The following PSD3 variants were observed in gnomAD, a reference collection of about 807,000 sequenced individuals.
PSD3 encodes pleckstrin and Sec7 domain containing 3.
A neutral mutation model predicts 105.5 loss-of-function variants in PSD3; 49 were observed. The observed-to-expected ratio is 0.46, with a 90% CI of 0.37 to 0.59. PSD3 has a LOEUF of 0.59. Ranked by LOEUF, PSD3 falls within the 20% of genes least tolerant of loss-of-function variation. The pLI, the probability that PSD3 is intolerant of heterozygous loss-of-function variation, is 0.00. For synonymous variants in PSD3, 557 were observed against 457.8 expected (o/e 1.22, Z -2.77); for missense variants, 1,561 against 1,263.8 (o/e 1.24, Z -3.57).
intron 1 of PSD3, among the ~76,000 whole-genome samples, chr8:18,981,729 T>A (rs1329959000): frequency 6.6e-6 from 1 of 152,168 alleles, no homozygotes; most frequent in Non-Finnish European, 1.5e-5. Flanking sequence ...TGGAAGAGCA[T>A]TCTGTCTAAA....
chr8:18,602,032 A>G (rs1804475709), intron 11 of PSD3, among the ~76,000 whole-genome samples: 1 of 152,196 alleles, frequency 6.6e-6, no homozygotes, highest in Non-Finnish European at 1.5e-5. Flanking sequence ...TCATTTTAAA[A>G]TGTGGGTAAT....
intron 9 of PSD3, among the ~76,000 whole-genome samples, chr8:18,719,662 A>C (rs1802825795): frequency 6.6e-6 from 1 of 152,196 alleles, no homozygotes; most frequent in Admixed American, 6.5e-5. Flanking sequence ...CAAGGAACCC[A>C]CTATTTCCCG....
intron 10 of PSD3, among the ~76,000 whole-genome samples, chr8:18,636,766 G>T (rs1807283602): frequency 6.6e-6 from 1 of 152,104 alleles, no homozygotes; most frequent in Admixed American, 6.5e-5. Flanking sequence ...ATAGTATTTG[G>T]CACAGTAACG....
intron 1 of PSD3, among the ~76,000 whole-genome samples, chr8:19,077,906 A>T (rs1023689948): frequency 4.6e-5 from 7 of 152,308 alleles, no homozygotes; most frequent in Non-Finnish European, 1.0e-4. Flanking sequence ...GTCCCAGAGA[A>T]CTAATGTAAA....
At chr8:18,998,426 G>A (rs1240197195) in intron 1 of PSD3, among the ~76,000 whole-genome samples, 4 of 151,924 alleles carry the variant, frequency 2.6e-5, no homozygotes, top group Non-Finnish European at 4.4e-5. Context: ...GGTGGCTCAC[G>A]CCTGTAATCC....
chr8:18,832,417 A>C (rs547290813), intron 4 of PSD3, among the ~76,000 whole-genome samples: 1 of 152,218 alleles, frequency 6.6e-6, no homozygotes, highest in East Asian at 1.9e-4. Flanking sequence ...GATAAAACTC[A>C]AACGTTTTGG....
chr8:18,659,251 A>G (rs1324786581), intron 9 of PSD3, among the ~76,000 whole-genome samples: 1 of 152,210 alleles, frequency 6.6e-6, no homozygotes, highest in Non-Finnish European at 1.5e-5. Context: ...AGAACAAATT[A>G]ATGCCATTGA....
intron 1 of PSD3, among the ~76,000 whole-genome samples, chr8:19,073,530 G>A (rs1010930871): frequency 5.9e-5 from 7 of 119,316 alleles, no homozygotes; most frequent in Admixed American, 2.2e-4. Flanking sequence ...CAGCCTGGGC[G>A]ACAGAGTGAA....
At chr8:18,563,943 G>C (rs907860884) in intron 14 of PSD3, among the ~76,000 whole-genome samples, 16 of 152,066 alleles carry the variant, frequency 1.1e-4, no homozygotes, top group South Asian at 6.2e-4. Flanking sequence ...GGTGTGTGTA[G>C]CCCAGGCAAG....
chr8:18,627,510 A>C (rs2130744787), intron 11 of PSD3, among the ~76,000 whole-genome samples: 1 of 152,214 alleles, frequency 6.6e-6, no homozygotes, highest in African/African-American at 2.4e-5. Context: ...TGTTTTCATC[A>C]GCTAGAGTGG....
rs114304122 is a variant in PSD3 at position 18,577,849 on chromosome 8, G to T, written c.2482-2564C>A. On this transcript the variant is annotated intron_variant, in intron 12 of 15. Transcript: ENST00000327040. Reference sequence around the variant, plus strand: ...CCCTCATAGATTTAACTGCATCTATGTTTCCTCGCTCACCTGCTTCTTTCT... The same window carrying T: ...CCCTCATAGATTTAACTGCATCTATTTTTCCTCGCTCACCTGCTTCTTTCT... Among the ~76,000 whole-genome samples the T allele has an allele frequency of 2.4e-3, 362 of 152,120 alleles. 2 individuals carry two copies. The highest frequency in any genetic ancestry group is 8.3e-3 in the African/African-American group (345 of 41,540).
chr8:18,838,277 T>C lies in PSD3; in HGVS notation c.1634+29397A>G, dbSNP rs1365561033. On this transcript the variant is annotated intron_variant, in intron 4 of 15. Coordinates refer to ENST00000327040, the MANE Select transcript of PSD3 (RefSeq NM_015310.4). ...CTTTATGTGATCAAGAAACATTAAG[T>C]ACGAAAAATTACCTAAAGGTCAGCA... is the stretch of plus-strand genomic sequence containing the variant. 1.7e-4 allele frequency among the ~76,000 whole-genome samples: 26 copies of C among 152,242 alleles called. No individual in the cohort carries two copies. The East Asian group carries it at 4.8e-3, about 28-fold the overall frequency.
chr8:18,646,724 T>G (rs1052762592), intron 10 of PSD3, among the ~76,000 whole-genome samples: 1 of 152,140 alleles, frequency 6.6e-6, no homozygotes, highest in East Asian at 1.9e-4. Flanking sequence ...CTTATGAGAT[T>G]ACCAACTCTC....
chr8:18,636,399 G>C (rs1009539659), intron 10 of PSD3, among the ~76,000 whole-genome samples: 2 of 152,090 alleles, frequency 1.3e-5, no homozygotes, highest in African/African-American at 4.8e-5. Context: ...TTACCAAAAA[G>C]TTAAAAAGCT....
intron 1 of PSD3, among the ~76,000 whole-genome samples, chr8:18,937,573 C>T (rs894028020): frequency 1.3e-5 from 2 of 152,172 alleles, no homozygotes; most frequent in Non-Finnish European, 2.9e-5. Context: ...CTAGCGTGCA[C>T]AACATTCAGA....
At chr8:18,611,712 A>C (rs1805279254) in intron 11 of PSD3, among the ~76,000 whole-genome samples, 1 of 152,204 alleles carries the variant, frequency 6.6e-6, no homozygotes, top group African/African-American at 2.4e-5. Flanking sequence ...AAGCAATTTA[A>C]ATCTAAGTTG....
intron 1 of PSD3, among the ~76,000 whole-genome samples, chr8:19,063,731 C>T (rs1260389449): frequency 2.0e-5 from 3 of 152,178 alleles, no homozygotes; most frequent in Admixed American, 1.3e-4. Flanking sequence ...ACACAGAATC[C>T]TGGCCTGAAG....
intron 4 of PSD3, among the ~76,000 whole-genome samples, chr8:18,824,085 A>G (rs1467921277): frequency 6.6e-6 from 1 of 152,172 alleles, no homozygotes; most frequent in Non-Finnish European, 1.5e-5. Flanking sequence ...AGGCGGGAAG[A>G]GCACGTGAGC....
chr8:18,801,443 TAGTTAAA>T, intron 6 of PSD3, 61 bp from the exon 7 acceptor site: 2 of 870,434 alleles, frequency 2.3e-6, no homozygotes, highest in South Asian at 3.0e-5. Flanking sequence ...CACTCTTTCA[TAGTTAAA>T]AGTCAATTTA....
Sources: gnomAD v4.1 joint callset for allele counts (sites outside exome capture counted in the v4.1 genomes callset) on GRCh38, gnomAD v4.1.1 for gene constraint, MANE v1.5 for transcripts, NCBI Gene and HGNC (gene_info 2026-07-23, HGNC 2026-07-21) for gene names.